KRT27: variants seen among roughly 807,000 people sequenced by gnomAD.
KRT27 encodes keratin 27, also known as keratin, type I cytoskeletal 27.
In KRT27, 30 loss-of-function variants were observed where a neutral mutation model predicts 45.3. The observed-to-expected ratio is 0.66, with a 90% CI of 0.50 to 0.90. The LOEUF is 0.90. Among genes scored for constraint, KRT27 ranks in the 40% least tolerant of loss-of-function variants. The pLI, the probability that KRT27 is intolerant of heterozygous loss-of-function variation, is 0.00. For synonymous variants in KRT27, 204 were observed against 223.9 expected, an observed-to-expected ratio of 0.91 and a Z score of 0.79; for missense variants, 610 against 564.3, an observed-to-expected ratio of 1.08 and a Z score of -0.82.
rs745401113 is a variant in KRT27, at chr17:40,779,548, C to G, written c.926G>C (p.Arg309Pro). Residue 309 changes from arginine (R) to proline (P), a missense_variant, in exon 5 of 8, where the codon CGC (arginine) becomes CCC (proline). Arg to Pro is a moderately radical substitution (Grantham distance 103). Coordinates refer to ENST00000301656, the MANE Select transcript of KRT27 (RefSeq NM_181537.4). ...TTCAATCTCAAGGGTTTGAAGAGTGCGTTTCATCTCGATAAGCTCATTCCG... is the reference window on the plus strand; with the variant it reads ...TTCAATCTCAAGGGTTTGAAGAGTGGGTTTCATCTCGATAAGCTCATTCCG... ...SARNELIEMK[R>P]TLQTLEIELQ... The G allele has an allele frequency of 6.2e-7, 1 of 1,614,212 alleles. No individual in the cohort carries two copies. Among genetic ancestry groups the G allele is most frequent in the Non-Finnish European group, 8.5e-7 (1 of 1,180,018 alleles).
In KRT27 at chr17:40,776,983, T is replaced by A; in HGVS notation, c.*16A>T. 2.5e-6 allele frequency: 4 copies of A among 1,595,206 alleles called. No individual in the cohort carries two copies. Among genetic ancestry groups the A allele is most frequent in the Non-Finnish European group, 3.4e-6 (4 of 1,167,220 alleles). On this transcript the variant is annotated 3_prime_UTR_variant, in exon 8 of 8. Transcript: ENST00000301656. ...GTATTTTAATTTGGGGGCCATTCTG[T>A]CTCAGAGGCTGGAGTTCAGGAAGAC... is the stretch of plus-strand genomic sequence containing the variant.
Position 40,782,547 on chromosome 17 carries a change from G to GGTACCACCCAAGTATTGACTCA in KRT27, c.-55_-54insTGAGTCAATACTTGGGTGGTAC. On this transcript the variant is annotated 5_prime_UTR_variant, in exon 1 of 8. Transcript: ENST00000301656. The stretch of plus-strand genomic sequence containing the variant: ...TGCGGTGATGCTCTGATGGTGAACG[G>GGTACCACCCAAGTATTGACTCA]CCTACTCAAACAGCTTGGTTTGCCT... The GGTACCACCCAAGTATTGACTCA allele has an allele frequency of 1.4e-6, 2 of 1,410,904 alleles. No homozygotes were observed. The highest frequency in any genetic ancestry group is 1.9e-6 in the Non-Finnish European group (2 of 1,056,324). 87.4% of individuals were successfully genotyped at this position (1,410,904 alleles called of 1,614,324 possible).
intron 6 of KRT27, 91 bp from the exon 7 acceptor site, chr17:40,777,393 G>T: frequency 6.5e-7 from 1 of 1,527,990 alleles, no homozygotes; most frequent in Non-Finnish European, 9.0e-7. Flanking sequence ...ACTGCATTCT[G>T]AAATAACACT....
At chr17:40,778,140 T>G in intron 5 of KRT27, 1 of 176,258 alleles carries the variant, frequency 5.7e-6, no homozygotes, top group Non-Finnish European at 1.2e-5. Flanking sequence ...ATGAGGATTG[T>G]AGCTCTTCTA....
chr17:40,780,852 A>T (rs898006612), intron 2 of KRT27, among the ~76,000 whole-genome samples: 16 of 152,140 alleles, frequency 1.1e-4, no homozygotes, highest in Non-Finnish European at 1.5e-4. Context: ...CCGTCTCCAA[A>T]AAATAAATAA....
Position 40,777,142 on chromosome 17 carries a change from A to C in KRT27, c.1241-4T>G. On this transcript the variant is annotated splice_region_variant and splice_polypyrimidine_tract_variant and intron_variant, in intron 7 of 7. Coordinates refer to ENST00000301656, the MANE Select transcript of KRT27 (RefSeq NM_181537.4). Reference sequence around the variant, plus strand: ...ACAATGGTGGTTTTAGATGAATCTAAAATGCCACATATAAACTGTTTAGAA... The same window carrying C: ...ACAATGGTGGTTTTAGATGAATCTACAATGCCACATATAAACTGTTTAGAA... 4 of 1,613,304 alleles carry C rather than the reference A, an allele frequency of 2.5e-6. No homozygotes were observed. The highest frequency in any genetic ancestry group is 2.7e-5 in the African/African-American group (2 of 75,040).
At chr17:40,780,260 A>G (rs1597802806) in intron 3 of KRT27, 40 bp downstream of exon 3, 1 of 1,553,548 alleles carries the variant, frequency 6.4e-7, no homozygotes, top group Non-Finnish European at 8.7e-7. Context: ...AAAATTTGGT[A>G]GGGAGGCGAT....
intron 3 of KRT27, among the ~76,000 whole-genome samples, 187 bp from the exon 4 acceptor site, chr17:40,780,048 T>C (rs2038297504): frequency 6.6e-6 from 1 of 152,208 alleles, no homozygotes; most frequent in Non-Finnish European, 1.5e-5. Context: ...ATTATAGGCA[T>C]GAGCCACCGC....
At chr17:40,778,751 C>A (rs1169994925) in intron 5 of KRT27, among the ~76,000 whole-genome samples, 2 of 152,166 alleles carry the variant, frequency 1.3e-5, no homozygotes, top group Non-Finnish European at 1.5e-5. Flanking sequence ...CTTGTAAGTG[C>A]TCTTAATTGA....
At chr17:40,781,895 A>G (rs563491704) in intron 1 of KRT27, among the ~76,000 whole-genome samples, 155 bp downstream of exon 1, 3 of 73,192 alleles carry the variant, frequency 4.1e-5, no homozygotes, top group South Asian at 9.5e-4. Flanking sequence ...AAATATTAGA[A>G]TTTATTAGAA....
At position 40,780,343 on chromosome 17, in the gene KRT27, G is replaced by T. The variant is rs773750058; in HGVS notation, c.641C>A (p.Thr214Asn). The T allele has an allele frequency of 1.6e-5, 26 of 1,612,658 alleles. No homozygotes were observed. The highest frequency in any genetic ancestry group is 1.7e-5 in the Admixed American group (1 of 59,884). Reference protein sequence around the residue: ...CRTDLEIQLETLSEELAYLKK... With the variant: ...CRTDLEIQLENLSEELAYLKK... Reference sequence around the variant, plus strand: ...GAGGTAAGCGAGCTCCTCACTGAGAGTTTCCAGCTGGATCTCCAGGTCCGT... The same window carrying T: ...GAGGTAAGCGAGCTCCTCACTGAGATTTTCCAGCTGGATCTCCAGGTCCGT... The change falls in exon 3 of 8, where the codon ACT becomes AAT. Residue 214 changes from threonine to asparagine, a missense_variant. Coordinates refer to ENST00000301656, the MANE Select transcript of KRT27 (RefSeq NM_181537.4).
At position 40,779,535 on chromosome 17, in the gene KRT27, G is replaced by A. The variant is rs1307000051; in HGVS notation, c.939C>T (p.Thr313=). ...AGAGGGACTGAAGTTCAATCTCAAGGGTTTGAAGAGTGCGTTTCATCTCGA... is the reference window on the plus strand; with the variant it reads ...AGAGGGACTGAAGTTCAATCTCAAGAGTTTGAAGAGTGCGTTTCATCTCGA... ...ELIEMKRTLQ[T]LEIELQSLLA... The change falls in exon 5 of 8, where the codon ACC becomes ACT. Residue 313 remains threonine (T), a synonymous_variant. Coordinates refer to ENST00000301656, the MANE Select transcript of KRT27 (RefSeq NM_181537.4). The A allele has an allele frequency of 3.7e-6, 6 of 1,614,064 alleles. No homozygotes were observed. The highest frequency in any genetic ancestry group is 5.1e-6 in the Non-Finnish European group (6 of 1,180,022).
At chr17:40,778,911 C>A (rs996337743) in intron 5 of KRT27, among the ~76,000 whole-genome samples, 13 of 151,892 alleles carry the variant, frequency 8.6e-5, no homozygotes, top group African/African-American at 2.9e-4. Context: ...TCAAAACACA[C>A]AATGTGTAGT....
At chr17:40,777,222 A>G (rs1222573152) in intron 7 of KRT27, 31 bp downstream of exon 7, 1 of 1,613,048 alleles carries the variant, frequency 6.2e-7, no homozygotes, top group East Asian at 2.2e-5. Flanking sequence ...ATACAAATAA[A>G]CACTGAATGC....
Position 40,780,359 on chromosome 17 carries a change from C to T in KRT27, c.625G>A (p.Glu209Lys). 1.2e-6 allele frequency: 2 copies of T among 1,612,966 alleles called. No homozygotes were observed. The highest frequency in any genetic ancestry group is 1.7e-6 in the Non-Finnish European group (2 of 1,179,472). ...DELTLCRTDL[E>K]IQLETLSEEL... ...TCACTGAGAGTTTCCAGCTGGATCT[C>T]CAGGTCCGTTCTGCACAAGGTCAGC... Residue 209 changes from glutamate (E) to lysine (K), a missense_variant, in exon 3 of 8, where the codon GAG becomes AAG. By Grantham distance (56) the Glu-to-Lys change is moderately conservative. Transcript: ENST00000301656.
rs1451114937 is a variant in KRT27 at position 40,782,062 on chromosome 17, T to A, written c.432A>T (p.Glu144Asp). Residue 144 changes from glutamate to aspartate, a missense_variant, in exon 1 of 8, where the codon GAA becomes GAT. Coordinates refer to ENST00000301656, the MANE Select transcript of KRT27 (RefSeq NM_181537.4). Reference protein sequence around the residue: ...DYSRYFPIIDELKNQIISATT... With the variant: ...DYSRYFPIIDDLKNQIISATT... ...TGGCGTTTCTTACCTGGTTCTTAAG[T>A]TCGTCAATAATTGGGAAATATCTGC... The A allele has an allele frequency of 1.2e-6, 2 of 1,610,692 alleles. No homozygotes were observed. Among genetic ancestry groups the A allele is most frequent in the African/African-American group, 1.3e-5 (1 of 74,906 alleles).
chr17:40,781,285 G>A lies in KRT27; in HGVS notation c.445-15C>T, dbSNP rs1474978072. The A allele has an allele frequency of 2.6e-6, 4 of 1,520,398 alleles. No homozygotes were observed. The African/African-American group carries it at 5.5e-5, about 21-fold the overall frequency. 94.2% of individuals were successfully genotyped at this position (1,520,398 alleles called of 1,614,324 possible). On this transcript the variant is annotated splice_polypyrimidine_tract_variant and intron_variant, in intron 1 of 7. Transcript: ENST00000301656. ...GCAGAAATTATCTGACAAATGAAAA[G>A]TTAGTTAAGATTGAGGAAATATTTA...
chr17:40,780,516 G>T, intron 2 of KRT27, 60 bp from the exon 3 acceptor site: 3 of 1,460,754 alleles, frequency 2.1e-6, no homozygotes, highest in South Asian at 2.4e-5. Context: ...TCACTTTTTA[G>T]ATCATCATAC....
rs374988781 is a variant in KRT27, at chr17:40,779,634, C to A, written c.847-7G>T. On this transcript the variant is annotated splice_region_variant and splice_polypyrimidine_tract_variant and intron_variant, in intron 4 of 7. Transcript: ENST00000301656. ...GCTGCTGCAGCGAGGCGCTCTGGAA[C>A]GGCAGGGGCCGCGTTAGGGCGCTGG... 1.8e-5 allele frequency: 29 copies of A among 1,614,030 alleles called. No homozygotes were observed. Among genetic ancestry groups the A allele is most frequent in the Non-Finnish European group, 2.5e-5 (29 of 1,179,944 alleles).
Sources: gnomAD v4.1 joint callset for allele counts (sites outside exome capture counted in the v4.1 genomes callset) on GRCh38, gnomAD v4.1.1 for gene constraint, MANE v1.5 for transcripts, NCBI Gene and HGNC (gene_info 2026-07-23, HGNC 2026-07-21) for gene names.